Variants in GRB14 observed in about 807,000 individuals in gnomAD.
The protein encoded by GRB14 is growth factor receptor bound protein 14, also known as growth factor receptor-bound protein 14.
Under a neutral mutation model 69.1 loss-of-function variants are expected in GRB14, and 38 were observed. The observed-to-expected ratio is 0.55, with a 90% CI of 0.42 to 0.72. The LOEUF is 0.72. Among genes scored for constraint, GRB14 ranks in the 30% least tolerant of loss-of-function variants. The pLI, the probability that GRB14 is intolerant of heterozygous loss-of-function variation, is 0.00. For missense variants in GRB14, 666 were observed against 666.1 expected, an observed-to-expected ratio of 1.00 and a Z score of 0.00; for synonymous variants, 247 against 241.3, an observed-to-expected ratio of 1.02 and a Z score of -0.22.
chr2:164,508,326 T>G, intron 8 of GRB14, 129 bp downstream of exon 8: 1 of 660,096 alleles, frequency 1.5e-6, no homozygotes, highest in South Asian at 1.9e-5. Context: ...AACATACACA[T>G]TTGGTGGTTA....
At chr2:164,565,007 T>C (rs1284989002) in intron 2 of GRB14, among the ~76,000 whole-genome samples, 1 of 151,990 alleles carries the variant, frequency 6.6e-6, no homozygotes, top group Non-Finnish European at 1.5e-5. Flanking sequence ...AGAGCAAGAC[T>C]CAATCTCAAA....
intron 3 of GRB14, among the ~76,000 whole-genome samples, chr2:164,529,658 C>T (rs1465260993): frequency 1.3e-5 from 2 of 152,168 alleles, no homozygotes; most frequent in African/African-American, 4.8e-5. Context: ...ACAACCCCCA[C>T]ACCAGGTCCC....
At chr2:164,588,942 T>C (rs1559063720) in intron 2 of GRB14, among the ~76,000 whole-genome samples, 1 of 152,232 alleles carries the variant, frequency 6.6e-6, no homozygotes, top group Non-Finnish European at 1.5e-5. Context: ...GACACCTTTA[T>C]TAAAATTCCC....
At chr2:164,577,045 C>A in intron 2 of GRB14, among the ~76,000 whole-genome samples, 1 of 152,064 alleles carries the variant, frequency 6.6e-6, no homozygotes, top group Middle Eastern at 3.4e-3. Flanking sequence ...ATTCTCTGGA[C>A]AATATAATTT....
intron 2 of GRB14, among the ~76,000 whole-genome samples, chr2:164,597,982 T>G (rs1197082769): frequency 1.3e-5 from 2 of 151,718 alleles, no homozygotes; most frequent in Non-Finnish European, 2.9e-5. Flanking sequence ...ACTAAGAAAT[T>G]TAACCAACAA....
At chr2:164,566,424 G>GA (rs1369986232) in intron 2 of GRB14, among the ~76,000 whole-genome samples, 1 of 151,972 alleles carries the variant, frequency 6.6e-6, no homozygotes, top group Non-Finnish European at 1.5e-5. Context: ...TGCACTCACT[G>GA]AAAAAAATAG....
intron 2 of GRB14, among the ~76,000 whole-genome samples, chr2:164,581,601 G>T (rs192431836): frequency 2.0e-5 from 3 of 152,060 alleles, no homozygotes; most frequent in Non-Finnish European, 2.9e-5. Flanking sequence ...ATGAAGCCCC[G>T]CTGAGATCTG....
At chr2:164,578,805 C>T (rs1216857845) in intron 2 of GRB14, among the ~76,000 whole-genome samples, 1 of 152,176 alleles carries the variant, frequency 6.6e-6, no homozygotes, top group Non-Finnish European at 1.5e-5. Context: ...TTGACATAGG[C>T]ACTCCTTTTC....
chr2:164,544,519 G>T (rs1033905736), intron 3 of GRB14, among the ~76,000 whole-genome samples: 6 of 152,182 alleles, frequency 3.9e-5, no homozygotes, highest in Non-Finnish European at 8.8e-5. Context: ...GATATCTATT[G>T]AGAATTAACA....
chr2:164,503,789 A>G (rs897581332), intron 8 of GRB14, among the ~76,000 whole-genome samples: 1 of 152,202 alleles, frequency 6.6e-6, no homozygotes, highest in Non-Finnish European at 1.5e-5. Flanking sequence ...GCCACCTTTT[A>G]TTAATCTGCA....
intron 2 of GRB14, among the ~76,000 whole-genome samples, chr2:164,555,253 A>G (rs1688648537): frequency 6.6e-6 from 1 of 152,254 alleles, no homozygotes; most frequent in Admixed American, 6.5e-5. Flanking sequence ...AAATGAATTC[A>G]GCATTGTCAA....
At chr2:164,581,016 T>C (rs1310949057) in intron 2 of GRB14, among the ~76,000 whole-genome samples, 2 of 152,226 alleles carry the variant, frequency 1.3e-5, no homozygotes, top group East Asian at 3.9e-4. Flanking sequence ...ACGGATCTAC[T>C]ACCAGTGCCT....
At chr2:164,606,883 G>A (rs891225892) in intron 2 of GRB14, among the ~76,000 whole-genome samples, 34 of 152,206 alleles carry the variant, frequency 2.2e-4, no homozygotes, top group African/African-American at 8.0e-4. Flanking sequence ...TCCCAGGAAT[G>A]AAAGTAATCT....
At chr2:164,600,179 C>T (rs1035732090) in intron 2 of GRB14, among the ~76,000 whole-genome samples, 2 of 152,092 alleles carry the variant, frequency 1.3e-5, no homozygotes, top group Non-Finnish European at 2.9e-5. Flanking sequence ...TTAAACAGCG[C>T]CCCCCTGTGT....
intron 12 of GRB14, among the ~76,000 whole-genome samples, chr2:164,496,281 A>G (rs770717072): frequency 3.9e-5 from 6 of 151,988 alleles, no homozygotes; most frequent in Non-Finnish European, 7.4e-5. Flanking sequence ...CCACAATACA[A>G]CCTCCCTCAT....
chr2:164,532,946 G>A (rs1202958829), intron 3 of GRB14, among the ~76,000 whole-genome samples: 2 of 152,094 alleles, frequency 1.3e-5, no homozygotes, highest in African/African-American at 2.4e-5. Flanking sequence ...CTGGTGGAGT[G>A]GAGACTGTGA....
chr2:164,593,130 C>T (rs143179844), intron 2 of GRB14, among the ~76,000 whole-genome samples: 1,560 of 152,210 alleles, frequency 0.01, 24 homozygotes, highest in African/African-American at 0.035. Context: ...CCTATAACTA[C>T]AATTATTTAT....
In GRB14 at chr2:164,567,070, T is replaced by C. The variant is rs367767930; in HGVS notation, c.325-19254A>G. 1.1e-4 allele frequency among the ~76,000 whole-genome samples: 17 copies of C among 152,294 alleles called. No individual in the cohort carries two copies. The East Asian group carries it at 1.4e-3, about 12-fold the overall frequency. ...GACTTGATAAATGTTAATATGCCTT[T>C]TCACATCCTCAGTGAGTCCAGGAAC... On this transcript the variant is annotated intron_variant, in intron 2 of 13. Coordinates refer to ENST00000263915, the MANE Select transcript of GRB14 (RefSeq NM_004490.3).
intron 2 of GRB14, among the ~76,000 whole-genome samples, chr2:164,564,666 A>T (rs557081030): frequency 6.6e-6 from 1 of 152,176 alleles, no homozygotes; most frequent in Non-Finnish European, 1.5e-5. Context: ...GCTTATGAAC[A>T]TCTCCTGTAA....
Sources: gnomAD v4.1 joint callset for allele counts (sites outside exome capture counted in the v4.1 genomes callset) on GRCh38, gnomAD v4.1.1 for gene constraint, MANE v1.5 for transcripts, NCBI Gene and HGNC (gene_info 2026-07-23, HGNC 2026-07-21) for gene names.